The following HIVEP1 variants were observed in gnomAD, a reference collection of about 807,000 sequenced individuals.
HIVEP1 encodes the protein zinc finger protein 40.
HIVEP1 carries 36 observed loss-of-function variants against 180.0 expected under a neutral mutation model. The ratio of observed to expected loss-of-function variants is 0.20; its 90% CI spans 0.15 to 0.26. The LOEUF (loss-of-function observed/expected upper bound fraction) is 0.26. Ranked by LOEUF, HIVEP1 falls within the 10% of genes least tolerant of loss-of-function variation. The pLI, the probability that HIVEP1 is intolerant of heterozygous loss-of-function variation, is 1.00. For missense variants in HIVEP1, 3,143 were observed against 3,268.7 expected (o/e 0.96, Z 0.94); for synonymous variants, 1,239 against 1,239.0 (o/e 1.00, Z 0.00).
At chr6:12,046,423 T>C (rs1770115462) in intron 2 of HIVEP1, among the ~76,000 whole-genome samples, 1 of 152,242 alleles carries the variant, frequency 6.6e-6, no homozygotes, top group East Asian at 1.9e-4. Context: ...AGCTAAGGCC[T>C]ATAGAAATGA....
chr6:12,122,452 C>T lies in HIVEP1; in HGVS notation c.2657C>T (p.Pro886Leu). 1 of 1,614,244 alleles carries T rather than the reference C, an allele frequency of 6.2e-7. No individual in the cohort carries two copies. The highest frequency in any genetic ancestry group is 8.5e-7 in the Non-Finnish European group (1 of 1,180,042). Reference protein sequence around the residue: ...DDVFVSGPNAPVPQSGHPRTL... With the variant: ...DDVFVSGPNALVPQSGHPRTL... Reference sequence around the variant, plus strand: ...GTCTTTGTATCGGGACCTAACGCTCCTGTGCCCCAGAGTGGGCATCCCCGT... The same window carrying T: ...GTCTTTGTATCGGGACCTAACGCTCTTGTGCCCCAGAGTGGGCATCCCCGT... The change falls in exon 4 of 9, where the codon CCT becomes CTT. Residue 886 changes from proline (P) to leucine (L), a missense_variant. Transcript: ENST00000379388.
intron 7 of HIVEP1, among the ~76,000 whole-genome samples, chr6:12,157,914 A>T (rs1760156824): frequency 6.6e-6 from 1 of 152,154 alleles, no homozygotes; most frequent in Admixed American, 6.5e-5. Context: ...TGGATTTAAC[A>T]GTTTTCTTGA....
chr6:12,172,763 G>T, the HIVEP1 span, among the ~76,000 whole-genome samples: 1 of 151,086 alleles, frequency 6.6e-6, no homozygotes, highest in Admixed American at 6.6e-5. Flanking sequence ...TAGTTAAGTA[G>T]TGAGGCTGGG....
downstream of HIVEP1, among the ~76,000 whole-genome samples, chr6:12,167,437 T>C (rs1760730793): frequency 6.6e-6 from 1 of 151,060 alleles, no homozygotes; most frequent in Non-Finnish European, 1.5e-5. Flanking sequence ...ATACAGCATG[T>C]ATATCACCTT....
intron 6 of HIVEP1, among the ~76,000 whole-genome samples, chr6:12,131,383 TTTA>T (rs1375264639): frequency 2.6e-5 from 4 of 151,930 alleles, no homozygotes; most frequent in Admixed American, 2.6e-4. Flanking sequence ...ACACTTCTGT[TTTA>T]TTGTCTGATT....
At chr6:12,143,227 C>T (rs2113620027) in intron 7 of HIVEP1, among the ~76,000 whole-genome samples, 1 of 152,284 alleles carries the variant, frequency 6.6e-6, no homozygotes, top group African/African-American at 2.4e-5. Flanking sequence ...AAGGCTGGTT[C>T]AACATATGCA....
chr6:12,095,279 C>G (rs1411297268), intron 3 of HIVEP1, among the ~76,000 whole-genome samples: 1 of 151,708 alleles, frequency 6.6e-6, no homozygotes, highest in Admixed American at 6.6e-5. Context: ...CTTTTCCTGT[C>G]TTTTTCTTCA....
intron 2 of HIVEP1, among the ~76,000 whole-genome samples, chr6:12,040,955 C>T (rs1359819417): frequency 6.6e-6 from 1 of 152,180 alleles, no homozygotes; most frequent in Non-Finnish European, 1.5e-5. Flanking sequence ...AGTACCAAGC[C>T]ATGAGGGGTG....
chr6:12,057,425 T>C (rs1770952441), intron 2 of HIVEP1, among the ~76,000 whole-genome samples: 1 of 152,312 alleles, frequency 6.6e-6, no homozygotes, highest in Admixed American at 6.5e-5. Flanking sequence ...AAAAAATGCA[T>C]ATTTTCCTCC....
the HIVEP1 span, among the ~76,000 whole-genome samples, chr6:12,189,162 T>G: frequency 6.6e-6 from 1 of 151,936 alleles, no homozygotes; most frequent in Non-Finnish European, 1.5e-5. Context: ...ACCTTACTCC[T>G]TTCACCAAAA....
rs554474019 is a variant in HIVEP1, at chr6:12,111,898, G to A, written c.95-7992G>A. Among the ~76,000 whole-genome samples the A allele has an allele frequency of 3.9e-5, 6 of 152,230 alleles. No individual in the cohort carries two copies. In the East Asian group the frequency reaches 5.8e-4, roughly 15 times the overall value. ...GGTTGGGGTGTGGCCATTTTATAGG[G>A]CCATTATTTCACCCACCATGCTGCC... On this transcript the variant is annotated intron_variant, in intron 3 of 8. Transcript: ENST00000379388.
intron 2 of HIVEP1, among the ~76,000 whole-genome samples, chr6:12,058,794 A>T (rs1771039639): frequency 6.6e-6 from 1 of 152,238 alleles, no homozygotes; most frequent in Admixed American, 6.5e-5. Context: ...GGGCTGACCT[A>T]GTAAGCTTTG....
rs1770178138 is a variant in HIVEP1, at chr6:12,046,935, A to T, written c.40+31267A>T. On this transcript the variant is annotated intron_variant, in intron 2 of 8. Transcript: ENST00000379388. Reference sequence around the variant, plus strand: ...GAGTGCAGTGGCGTGACCTTGGCTCACTGCAATCTTCGCCTCCTGGGTTCA... The same window carrying T: ...GAGTGCAGTGGCGTGACCTTGGCTCTCTGCAATCTTCGCCTCCTGGGTTCA... Among the ~76,000 whole-genome samples, 3 of 148,772 alleles carry T rather than the reference A, an allele frequency of 2.0e-5. No homozygotes were observed. In the South Asian group the frequency reaches 6.5e-4, roughly 32 times the overall value.
chr6:12,149,673 C>G (rs911706470), intron 7 of HIVEP1, among the ~76,000 whole-genome samples: 1 of 152,156 alleles, frequency 6.6e-6, no homozygotes, highest in African/African-American at 2.4e-5. Flanking sequence ...AAGGTTTTCT[C>G]CATATTTCTT....
intron 3 of HIVEP1, among the ~76,000 whole-genome samples, chr6:12,118,402 A>T (rs1212181188): frequency 1.3e-5 from 2 of 152,226 alleles, no homozygotes; most frequent in East Asian, 3.8e-4. Flanking sequence ...GTAATATACG[A>T]TTGAATATTT....
chr6:12,146,449 A>G (rs889859921), intron 7 of HIVEP1, among the ~76,000 whole-genome samples: 1 of 152,206 alleles, frequency 6.6e-6, no homozygotes. Flanking sequence ...ATCTCAAAAA[A>G]ATAATAATAA....
the HIVEP1 span, among the ~76,000 whole-genome samples, chr6:12,200,869 A>G: frequency 6.6e-6 from 1 of 152,232 alleles, no homozygotes. Context: ...AATTCTTGAC[A>G]TAAAATGAGC....
the HIVEP1 span, among the ~76,000 whole-genome samples, chr6:12,211,293 C>G: frequency 0.074 from 4,725 of 64,100 alleles, 174 homozygotes; most frequent in Middle Eastern, 0.1. Flanking sequence ...CCAGCTACTC[C>G]GGAGGCTGAG....
chr6:12,153,571 C>CAAAA (rs3070558), intron 7 of HIVEP1, among the ~76,000 whole-genome samples: 8 of 94,630 alleles, frequency 8.5e-5, no homozygotes, highest in Admixed American at 2.5e-4. Context: ...GTAAGAAATG[C>CAAAA]AAAAAAAAAA....
Sources: gnomAD v4.1 joint callset for allele counts (sites outside exome capture counted in the v4.1 genomes callset) on GRCh38, gnomAD v4.1.1 for gene constraint, MANE v1.5 for transcripts, NCBI Gene and HGNC (gene_info 2026-07-23, HGNC 2026-07-21) for gene names.